ATP6V0A4: variants seen among roughly 807,000 people sequenced by gnomAD.
ATP6V0A4 encodes the protein ATPase H+ transporting V0 subunit a4.
ATP6V0A4 carries 86 observed loss-of-function variants against 107.3 expected under a neutral mutation model. The ratio of observed to expected loss-of-function variants is 0.80; its 90% confidence interval spans 0.67 to 0.96. ATP6V0A4 has a LOEUF of 0.96. Among genes scored for constraint, ATP6V0A4 ranks in the 40% least tolerant of loss-of-function variants. The probability of loss-of-function intolerance (pLI) is 0.00; values close to 1 mark genes in which losing one functional copy is unlikely to be tolerated. For missense variants in ATP6V0A4, 908 were observed against 1,045.6 expected (o/e 0.87, Z 1.81); for synonymous variants, 353 against 381.4 (o/e 0.93, Z 0.87).
rs990083527 is a variant in ATP6V0A4, at chr7:138,771,129, A to G, written c.117+2T>C. 1 of 1,613,722 alleles carries G rather than the reference A, an allele frequency of 6.2e-7. No homozygotes were observed. The highest frequency in any genetic ancestry group is 2.2e-5 in the East Asian group (1 of 44,878). On this transcript the variant is annotated splice_donor_variant, in intron 3 of 21. Coordinates refer to ENST00000310018, the MANE Select transcript of ATP6V0A4 (RefSeq NM_020632.3). LOFTEE classifies it high-confidence loss of function. The stretch of plus-strand genomic sequence containing the variant: ...CTTATCTCCAAAGAACTCAGTACCT[A>G]CATCTTTGAACTGAACCAATCCGAG...
At chr7:138,739,198 A>T (rs1584913999) in intron 15 of ATP6V0A4, among the ~76,000 whole-genome samples, 1 of 152,236 alleles carries the variant, frequency 6.6e-6, no homozygotes, top group East Asian at 1.9e-4. Flanking sequence ...CAAAGCAGGG[A>T]ACTTAAACTT....
chr7:138,741,563 G>A (rs184733987), intron 14 of ATP6V0A4, among the ~76,000 whole-genome samples: 30 of 152,166 alleles, frequency 2.0e-4, no homozygotes, highest in African/African-American at 6.0e-4. Context: ...CTATGATAGA[G>A]TGAGAAAAAA....
rs1026955977 is a variant in ATP6V0A4, at chr7:138,783,101, C to T, written c.-18+3057G>A. Among the ~76,000 whole-genome samples, 27 of 152,018 alleles carry T rather than the reference C, an allele frequency of 1.8e-4. 1 individual carries two copies. Among genetic ancestry groups the T allele is most frequent in the African/African-American group, 6.5e-4 (27 of 41,416 alleles). On this transcript the variant is annotated intron_variant, in intron 2 of 21. Transcript: ENST00000310018. ...AAAAAAAGATGGGCACAGAAATCAA[C>T]TACAGCTTTCTTTTAAAAACACCAA...
intron 17 of ATP6V0A4, among the ~76,000 whole-genome samples, chr7:138,730,556 T>C (rs1804952640): frequency 6.6e-6 from 1 of 152,144 alleles, no homozygotes; most frequent in Admixed American, 6.5e-5. Flanking sequence ...CAACTCCAAA[T>C]AATGCTTTTG....
At position 138,762,508 on chromosome 7, in the gene ATP6V0A4, T is replaced by A. The variant is rs1159408349; in HGVS notation, c.418-74A>T. The A allele has an allele frequency of 3.1e-6, 5 of 1,588,120 alleles. No individual in the cohort carries two copies. In the African/African-American group the frequency reaches 6.8e-5, roughly 22 times the overall value. On this transcript the variant is annotated intron_variant, in intron 6 of 21. Coordinates refer to ENST00000310018, the MANE Select transcript of ATP6V0A4 (RefSeq NM_020632.3). ...TCAAAAGGCACCTACACCTCAAGAT[T>A]TTCTCTGGTTTTAGTGAAGCTTTAA... is the stretch of plus-strand genomic sequence containing the variant.
intron 9 of ATP6V0A4, 69 bp from the exon 10 acceptor site, chr7:138,755,851 G>A: frequency 6.3e-7 from 1 of 1,585,528 alleles, no homozygotes; most frequent in Admixed American, 1.8e-5. Flanking sequence ...CCCCTTTTCT[G>A]CTAAGACATC....
rs938418304 is a variant in ATP6V0A4 at position 138,795,074 on chromosome 7, A to AT, written c.-121+2959dup. ...CACCACGCCTGGCTAATATTTCTGA[A>AT]TTTTTTTAGTAGAGATGGGATTTCA... On this transcript the variant is annotated intron_variant, in intron 1 of 21. Coordinates refer to ENST00000310018, the MANE Select transcript of ATP6V0A4 (RefSeq NM_020632.3). Among the ~76,000 whole-genome samples the AT allele has an allele frequency of 4.6e-5, 7 of 151,766 alleles. No homozygotes were observed. The East Asian group carries it at 9.7e-4, about 21-fold the overall frequency.
intron 2 of ATP6V0A4, among the ~76,000 whole-genome samples, chr7:138,771,916 C>T (rs1807412497): frequency 6.6e-6 from 1 of 152,130 alleles, no homozygotes; most frequent in African/African-American, 2.4e-5. Flanking sequence ...CCACTGCTCT[C>T]AGCTGGCAAA....
chr7:138,766,063 TTAA>T (rs1807070350), intron 5 of ATP6V0A4, among the ~76,000 whole-genome samples: 2 of 151,874 alleles, frequency 1.3e-5, no homozygotes, highest in Admixed American at 1.3e-4. Flanking sequence ...TGGTGCTGTT[TTAA>T]TTTCATTTTT....
chr7:138,750,736 G>A (rs1418866498), intron 11 of ATP6V0A4, among the ~76,000 whole-genome samples: 3 of 152,158 alleles, frequency 2.0e-5, no homozygotes, highest in Non-Finnish European at 2.9e-5. Context: ...CCTCCAGGAC[G>A]CACCCCCGCC....
At chr7:138,796,697 C>T (rs1272290656) in intron 1 of ATP6V0A4, among the ~76,000 whole-genome samples, 1 of 121,414 alleles carries the variant, frequency 8.2e-6, no homozygotes, top group Non-Finnish European at 1.9e-5. Flanking sequence ...GAGTTCATCC[C>T]ATCCTCCTTT....
chr7:138,795,903 C>T (rs185910329), intron 1 of ATP6V0A4, among the ~76,000 whole-genome samples: 86 of 152,288 alleles, frequency 5.6e-4, no homozygotes, highest in African/African-American at 2.0e-3. Context: ...GATCTTCCCA[C>T]CTCGGCCTCC....
chr7:138,764,098 T>C (rs1222254857), intron 5 of ATP6V0A4, among the ~76,000 whole-genome samples: 2 of 151,314 alleles, frequency 1.3e-5, no homozygotes, highest in Admixed American at 1.3e-4. Flanking sequence ...ATAGTTCCAT[T>C]TAGAGAAAAT....
chr7:138,795,324 G>A (rs1043439145), intron 1 of ATP6V0A4, among the ~76,000 whole-genome samples: 3 of 152,130 alleles, frequency 2.0e-5, no homozygotes, highest in African/African-American at 7.2e-5. Flanking sequence ...GGGAGGGAGG[G>A]CCAACACATT....
chr7:138,725,927 T>A (rs1216870776), intron 18 of ATP6V0A4, among the ~76,000 whole-genome samples: 3 of 152,222 alleles, frequency 2.0e-5, no homozygotes, highest in Non-Finnish European at 4.4e-5. Context: ...CACTTGTCTG[T>A]ATGTTATATG....
chr7:138,787,796 G>C (rs1316232831), intron 1 of ATP6V0A4, among the ~76,000 whole-genome samples: 1 of 152,112 alleles, frequency 6.6e-6, no homozygotes, highest in African/African-American at 2.4e-5. Context: ...CCAGGAGTTT[G>C]AGACTAGCCT....
chr7:138,711,170 T>C (rs6954296), intron 20 of ATP6V0A4, among the ~76,000 whole-genome samples: 4,774 of 151,628 alleles, frequency 0.031, 182 homozygotes, highest in East Asian at 0.1. Flanking sequence ...TACATGCCCA[T>C]GGAGTCTCTC....
intron 19 of ATP6V0A4, among the ~76,000 whole-genome samples, chr7:138,716,582 G>C (rs969342255): frequency 5.9e-4 from 55 of 93,368 alleles, no homozygotes; most frequent in Non-Finnish European, 5.6e-4. Context: ...TTTTGGGGGG[G>C]GGGGAGGGTC....
In ATP6V0A4 at chr7:138,759,887, C is replaced by T. The variant is rs778840472; in HGVS notation, c.513-9G>A. On this transcript the variant is annotated splice_polypyrimidine_tract_variant and intron_variant, in intron 7 of 21. Coordinates refer to ENST00000310018, the MANE Select transcript of ATP6V0A4 (RefSeq NM_020632.3). ...TCACACCGGCTATGAACCTAGGCAGCCAGAAGGGAAGACATTCCTTAAGGC... is the reference window on the plus strand; with the variant it reads ...TCACACCGGCTATGAACCTAGGCAGTCAGAAGGGAAGACATTCCTTAAGGC... 3 of 1,613,928 alleles carry T rather than the reference C, an allele frequency of 1.9e-6. No individual in the cohort carries two copies. In the South Asian group the frequency reaches 3.3e-5, roughly 18 times the overall value.
Sources: allele counts gnomAD v4.1 joint callset (sites outside exome capture counted in the v4.1 genomes callset), GRCh38; gene constraint gnomAD v4.1.1; transcripts MANE v1.5; gene names NCBI Gene and HGNC (gene_info 2026-07-23, HGNC 2026-07-21).